The following GALNT7 variants were observed in gnomAD, a reference collection of about 807,000 sequenced individuals.
The protein encoded by GALNT7 is N-acetylgalactosaminyltransferase 7.
A neutral mutation model predicts 82.1 loss-of-function variants in GALNT7; 60 were observed. That is an observed-to-expected ratio of 0.73 (90% CI 0.59 to 0.91). The LOEUF (loss-of-function observed/expected upper bound fraction) is 0.91. Among genes scored for constraint, GALNT7 ranks in the 40% least tolerant of loss-of-function variants. The probability of loss-of-function intolerance (pLI) is 0.00; values close to 1 mark genes in which losing one functional copy is unlikely to be tolerated. For missense variants in GALNT7, 660 were observed against 804.2 expected (o/e 0.82, Z 2.17); for synonymous variants, 243 against 275.1 (o/e 0.88, Z 1.15).
chr4:173,185,428 G>A (rs960835483), intron 1 of GALNT7, among the ~76,000 whole-genome samples: 49 of 140,900 alleles, frequency 3.5e-4, no homozygotes, highest in African/African-American at 9.6e-4. Flanking sequence ...AAAAAAAAAA[G>A]TGGAAAAATT....
intron 1 of GALNT7, among the ~76,000 whole-genome samples, chr4:173,227,498 AT>A (rs1051507455): frequency 6.6e-6 from 1 of 151,836 alleles, no homozygotes; most frequent in Non-Finnish European, 1.5e-5. Flanking sequence ...CACCTGGCTA[AT>A]TTTTTTTATT....
chr4:173,209,512 T>C (rs1230122562), intron 1 of GALNT7, among the ~76,000 whole-genome samples: 1 of 152,234 alleles, frequency 6.6e-6, no homozygotes, highest in Non-Finnish European at 1.5e-5. Context: ...TCACTGACAT[T>C]TGTGTAGTTA....
chr4:173,200,927 T>G (rs998138980), intron 1 of GALNT7, among the ~76,000 whole-genome samples: 2 of 152,254 alleles, frequency 1.3e-5, no homozygotes, highest in African/African-American at 4.8e-5. Context: ...CTGAAAAGAT[T>G]AAGAGAAAAG....
intron 1 of GALNT7, among the ~76,000 whole-genome samples, chr4:173,197,750 A>T (rs887715178): frequency 6.6e-6 from 1 of 152,022 alleles, no homozygotes; most frequent in Non-Finnish European, 1.5e-5. Context: ...GGTTGGAGAG[A>T]AGTGGGGGGA....
intron 1 of GALNT7, among the ~76,000 whole-genome samples, chr4:173,183,387 G>C (rs906834665): frequency 2.0e-5 from 3 of 151,834 alleles, no homozygotes; most frequent in Non-Finnish European, 4.4e-5. Flanking sequence ...TGATTGAGCA[G>C]GAATGGGAGA....
At chr4:173,269,989 A>C (rs765962381) in intron 2 of GALNT7, among the ~76,000 whole-genome samples, 4 of 152,238 alleles carry the variant, frequency 2.6e-5, no homozygotes, top group Non-Finnish European at 5.9e-5. Context: ...CGTTTACAAA[A>C]GTCCTGTGAA....
chr4:173,197,063 C>CTTTTTT (rs5864189), intron 1 of GALNT7, among the ~76,000 whole-genome samples: 7 of 117,946 alleles, frequency 5.9e-5, no homozygotes, highest in Non-Finnish European at 9.9e-5. Flanking sequence ...CTCTCTCTCC[C>CTTTTTT]TTTTTTTTTT....
chr4:173,181,362 T>A (rs993930381), intron 1 of GALNT7, among the ~76,000 whole-genome samples: 4 of 152,194 alleles, frequency 2.6e-5, no homozygotes, highest in African/African-American at 9.6e-5. Flanking sequence ...GGAGAATGTT[T>A]CCCTTTTAGT....
At position 173,313,941 on chromosome 4, in the gene GALNT7, A is replaced by AT. The variant is rs199666951; in HGVS notation, c.1390-16dup. On this transcript the variant is annotated splice_polypyrimidine_tract_variant and intron_variant, in intron 8 of 11. Transcript: ENST00000265000. ...TATTTTTATAACGATATATATATAT[A>AT]TATTTTTTTTTTACAGAATTATGTT... 4.3e-3 allele frequency: 4,678 copies of AT among 1,083,098 alleles called. 91 individuals carry two copies. In the African/African-American group the frequency reaches 0.055, roughly 13 times the overall value. The allele number at this position is 1,083,098 out of a possible 1,614,324, so 67.1% of individuals were successfully genotyped here.
chr4:173,178,031 G>C (rs1317696238), intron 1 of GALNT7, among the ~76,000 whole-genome samples: 1 of 117,306 alleles, frequency 8.5e-6, no homozygotes, highest in Non-Finnish European at 1.7e-5. Context: ...GTGTGTGTGT[G>C]TGTGTGTGTG....
At chr4:173,256,554 C>T (rs1417403266) in intron 2 of GALNT7, among the ~76,000 whole-genome samples, 1 of 151,250 alleles carries the variant, frequency 6.6e-6, no homozygotes, top group African/African-American at 2.4e-5. Context: ...TCCCTCCCTC[C>T]CTCCCTTCCT....
At position 173,321,694 on chromosome 4, in the gene GALNT7, A is replaced by G. The variant is rs752887183; in HGVS notation, c.1951A>G (p.Met651Val). 6.2e-7 allele frequency: 1 copy of G among 1,607,942 alleles called. No homozygotes were observed. The highest frequency in any genetic ancestry group is 1.3e-5 in the African/African-American group (1 of 74,900). Residue 651 changes from methionine (M) to valine (V), a missense_variant, in exon 12 of 12, where the codon ATG (methionine) becomes GTG (valine). This residue lies in a region of GALNT7 where 527 missense variants were observed against 683.5 expected (regional missense o/e 0.77). Coordinates refer to ENST00000265000, the MANE Select transcript of GALNT7 (RefSeq NM_017423.3). Reference protein sequence around the residue: ...DSSKTTQKWEMNNIHSV With the variant: ...DSSKTTQKWEVNNIHSV ...CAGTAAAACGACTCAAAAATGGGAA[A>G]TGAATAACATCCATAGTGTTTAGAG...
intron 1 of GALNT7, among the ~76,000 whole-genome samples, chr4:173,189,336 T>A (rs1455082454): frequency 6.6e-6 from 1 of 152,232 alleles, no homozygotes; most frequent in Non-Finnish European, 1.5e-5. Flanking sequence ...TTTAGGAATT[T>A]CTTTTATGCA....
intron 8 of GALNT7, among the ~76,000 whole-genome samples, chr4:173,306,595 A>T (rs918781068): frequency 6.6e-6 from 1 of 152,204 alleles, no homozygotes; most frequent in Non-Finnish European, 1.5e-5. Flanking sequence ...CCTTTTTCAC[A>T]TCTATTGAGA....
chr4:173,234,672 A>G (rs548904956), intron 1 of GALNT7, among the ~76,000 whole-genome samples: 35 of 152,300 alleles, frequency 2.3e-4, no homozygotes, highest in African/African-American at 3.6e-4. Flanking sequence ...TTGAGTCCCA[A>G]TTTTGGAGGT....
intron 2 of GALNT7, among the ~76,000 whole-genome samples, chr4:173,253,480 T>C (rs74890600): frequency 3.3e-4 from 51 of 152,260 alleles, no homozygotes; most frequent in Non-Finnish European, 6.0e-4. Context: ...GATTTCAAAC[T>C]AGTAGAGGTG....
At chr4:173,253,115 T>A (rs1389154012) in intron 2 of GALNT7, among the ~76,000 whole-genome samples, 2 of 151,734 alleles carry the variant, frequency 1.3e-5, no homozygotes, top group African/African-American at 4.8e-5. Flanking sequence ...GGTGAGAGGA[T>A]CCCTTGAGCC....
At chr4:173,227,255 G>T (rs1335621383) in intron 1 of GALNT7, among the ~76,000 whole-genome samples, 1 of 152,148 alleles carries the variant, frequency 6.6e-6, no homozygotes, top group Non-Finnish European at 1.5e-5. Flanking sequence ...GATTGAACCT[G>T]GGAGCAGGTA....
intron 2 of GALNT7, among the ~76,000 whole-genome samples, chr4:173,291,637 A>G (rs1736534994): frequency 6.6e-6 from 1 of 152,224 alleles, no homozygotes; most frequent in African/African-American, 2.4e-5. Context: ...CCTCAGGTCA[A>G]CCTGTTTAAT....
Sources: allele counts gnomAD v4.1 joint callset (sites outside exome capture counted in the v4.1 genomes callset), GRCh38; gene constraint gnomAD v4.1.1; regional missense constraint gnomAD v4.1.1; transcripts MANE v1.5; gene names NCBI Gene and HGNC (gene_info 2026-07-23, HGNC 2026-07-21).